Variants in GLIPR1L1 observed in about 807,000 individuals in gnomAD.
GLIPR1L1 encodes GLIPR1-like protein 1.
A neutral mutation model predicts 29.9 loss-of-function variants in GLIPR1L1; 26 were observed. The ratio of observed to expected loss-of-function variants is 0.87; its 90% confidence interval spans 0.64 to 1.21. The LOEUF (loss-of-function observed/expected upper bound fraction) is 1.21, where lower values mean the gene tolerates loss of function less well. GLIPR1L1 is among the 50% of genes most tolerant of loss of function. The probability of loss-of-function intolerance (pLI) is 0.00; values close to 1 mark genes in which losing one functional copy is unlikely to be tolerated. For missense variants in GLIPR1L1, 305 were observed against 290.3 expected, an observed-to-expected ratio of 1.05 and a Z score of -0.37; for synonymous variants, 77 against 97.5, an observed-to-expected ratio of 0.79 and a Z score of 1.24.
chr12:75,348,119 A>T (rs1341525889), intron 3 of GLIPR1L1, among the ~76,000 whole-genome samples: 4 of 152,210 alleles, frequency 2.6e-5, no homozygotes, highest in Non-Finnish European at 5.9e-5. Flanking sequence ...TTAAGAAAAG[A>T]ACAACATAAC....
chr12:75,356,776 A>C (rs2043182788), intron 3 of GLIPR1L1, among the ~76,000 whole-genome samples: 2 of 152,186 alleles, frequency 1.3e-5, no homozygotes, highest in Non-Finnish European at 2.9e-5. Flanking sequence ...GAAATTGAAA[A>C]CCAGCTTTAT....
intron 1 of GLIPR1L1, among the ~76,000 whole-genome samples, chr12:75,339,047 A>C (rs1263097186): frequency 1.3e-5 from 2 of 152,198 alleles, no homozygotes; most frequent in Non-Finnish European, 2.9e-5. Context: ...TATTGTGAAT[A>C]GTGTGCAGTG....
intron 1 of GLIPR1L1, among the ~76,000 whole-genome samples, chr12:75,335,769 T>C (rs146395228): frequency 4.9e-4 from 75 of 152,216 alleles, no homozygotes; most frequent in African/African-American, 1.8e-3. Context: ...ATCTCTTTAA[T>C]GCAGAATTGT....
chr12:75,341,539 CG>C (rs964428559), intron 1 of GLIPR1L1, among the ~76,000 whole-genome samples: 46 of 150,562 alleles, frequency 3.1e-4, no homozygotes, highest in Admixed American at 8.6e-4. Context: ...CTCCGCCTCC[CG>C]GGTTCACGCC....
At chr12:75,338,220 C>T (rs539516926) in intron 1 of GLIPR1L1, among the ~76,000 whole-genome samples, 3 of 152,094 alleles carry the variant, frequency 2.0e-5, no homozygotes, top group Non-Finnish European at 4.4e-5. Flanking sequence ...CAATTGAATC[C>T]AGCAACACAT....
At chr12:75,364,001 G>A (rs1029609668) in intron 4 of GLIPR1L1, among the ~76,000 whole-genome samples, 3 of 152,142 alleles carry the variant, frequency 2.0e-5, no homozygotes, top group Admixed American at 1.3e-4. Flanking sequence ...AAAGGCTTAC[G>A]ATCAATAGAA....
intron 3 of GLIPR1L1, among the ~76,000 whole-genome samples, chr12:75,359,705 T>G (rs2139570281): frequency 6.6e-6 from 1 of 152,274 alleles, no homozygotes; most frequent in Middle Eastern, 3.4e-3. Flanking sequence ...TATTTTCAAC[T>G]AATTTTTCAG....
In GLIPR1L1 at chr12:75,363,233, G is replaced by T. The variant is rs112244827; in HGVS notation, c.610+43G>T. On this transcript the variant is annotated intron_variant, in intron 4 of 5. Transcript: ENST00000378695. ...TATATAATTACATTTAGAGAGTAAA[G>T]TTTCCATATATTTATTAAATTTTAA... is the stretch of plus-strand genomic sequence containing the variant. The T allele has an allele frequency of 6.0e-5, 53 of 890,188 alleles. No homozygotes were observed. In the African/African-American group the frequency reaches 8.3e-4, roughly 14 times the overall value. The allele number at this position is 890,188 out of a possible 1,614,324, so 55.1% of individuals were successfully genotyped here.
intron 2 of GLIPR1L1, 31 bp from the exon 3 acceptor site, chr12:75,347,591 T>C (rs200355722): frequency 2.8e-6 from 4 of 1,406,656 alleles, no homozygotes; most frequent in Non-Finnish European, 4.0e-6. Context: ...TTGTTTTCCA[T>C]ATTTTATCTT....
intron 2 of GLIPR1L1, among the ~76,000 whole-genome samples, chr12:75,346,611 G>A (rs941498490): frequency 2.0e-5 from 3 of 152,010 alleles, no homozygotes; most frequent in Admixed American, 1.3e-4. Flanking sequence ...GGCTGACCTC[G>A]AACTCCTGAC....
intron 1 of GLIPR1L1, among the ~76,000 whole-genome samples, chr12:75,342,189 C>T (rs1401770491): frequency 6.6e-6 from 1 of 152,130 alleles, no homozygotes; most frequent in Non-Finnish European, 1.5e-5. Context: ...TGAAACAGTG[C>T]TGTATCTAGA....
intron 4 of GLIPR1L1, chr12:75,369,749 T>C (rs2139694885): frequency 1.0e-6 from 1 of 985,244 alleles, no homozygotes; most frequent in African/African-American, 1.7e-5. Flanking sequence ...AGAGGTGTTT[T>C]AGAAATATTT....
At chr12:75,351,545 G>GTT (rs200327101) in intron 3 of GLIPR1L1, among the ~76,000 whole-genome samples, 13 of 148,428 alleles carry the variant, frequency 8.8e-5, no homozygotes, top group African/African-American at 2.8e-4. Flanking sequence ...ACTCTGTTTT[G>GTT]TTTTGTTTTT....
chr12:75,346,392 A>AC (rs2042447312), intron 2 of GLIPR1L1, among the ~76,000 whole-genome samples: 1 of 151,438 alleles, frequency 6.6e-6, no homozygotes, highest in Admixed American at 6.6e-5. Flanking sequence ...TGAAAGCAAA[A>AC]CTCTTTTTTT....
Position 75,349,957 on chromosome 12 carries a change from C to T in GLIPR1L1, c.521+2235C>T, listed in dbSNP as rs551213062. Reference sequence around the variant, plus strand: ...TTACATTGGACTCCCTGCTGGCCAGCGGGGCAGGCTGGAGACTGCCTAAGA... The same window carrying T: ...TTACATTGGACTCCCTGCTGGCCAGTGGGGCAGGCTGGAGACTGCCTAAGA... On this transcript the variant is annotated intron_variant, in intron 3 of 5. Transcript: ENST00000378695. Among the ~76,000 whole-genome samples, 12 of 152,334 alleles carry T rather than the reference C, an allele frequency of 7.9e-5. No homozygotes were observed. The South Asian group carries it at 1.2e-3, about 16-fold the overall frequency.
At chr12:75,339,743 C>T (rs2041978696) in intron 1 of GLIPR1L1, among the ~76,000 whole-genome samples, 1 of 152,036 alleles carries the variant, frequency 6.6e-6, no homozygotes, top group Non-Finnish European at 1.5e-5. Context: ...AGTCTTTAAT[C>T]CATCTTGAGC....
At chr12:75,352,829 C>G (rs755732987) in intron 3 of GLIPR1L1, among the ~76,000 whole-genome samples, 4 of 152,270 alleles carry the variant, frequency 2.6e-5, no homozygotes, top group African/African-American at 9.6e-5. Context: ...AATTAGAACT[C>G]AATATTAAGA....
chr12:75,354,417 G>C (rs561668571), intron 3 of GLIPR1L1, among the ~76,000 whole-genome samples: 139 of 151,712 alleles, frequency 9.2e-4, no homozygotes, highest in African/African-American at 3.2e-3. Flanking sequence ...TAGGAATACA[G>C]CTAAAAAAAA....
intron 3 of GLIPR1L1, among the ~76,000 whole-genome samples, chr12:75,353,494 C>A (rs1439017718): frequency 6.6e-6 from 1 of 152,128 alleles, no homozygotes; most frequent in African/African-American, 2.4e-5. Flanking sequence ...GAAATTGAGG[C>A]AGTAATGAAC....
Sources: allele counts gnomAD v4.1 joint callset (sites outside exome capture counted in the v4.1 genomes callset), GRCh38; gene constraint gnomAD v4.1.1; transcripts MANE v1.5; gene names NCBI Gene and HGNC (gene_info 2026-07-23, HGNC 2026-07-21).